Variants in IQGAP2 observed in about 807,000 individuals in gnomAD.
IQGAP2 encodes IQ motif containing GTPase activating protein 2, also known as ras GTPase-activating-like protein IQGAP2.
IQGAP2 carries 173 observed loss-of-function variants against 201.3 expected under a neutral mutation model. That is an observed-to-expected ratio of 0.86 (90% CI 0.76 to 0.98). IQGAP2 has a LOEUF of 0.98. IQGAP2 is among the 50% of genes least tolerant of loss of function. The pLI is 0.00. For synonymous variants in IQGAP2, 675 were observed against 673.9 expected (o/e 1.00, Z -0.03); for missense variants, 1,687 against 1,864.8 (o/e 0.90, Z 1.76).
Position 76,610,923 on chromosome 5 carries a change from C to T in IQGAP2, c.1358-97C>T. On this transcript the variant is annotated intron_variant, in intron 12 of 35. Coordinates refer to ENST00000274364, the MANE Select transcript of IQGAP2 (RefSeq NM_006633.5). ...GTGCTTGCATCTTGCATCCTATAGC[C>T]TTGCTGTACTAGTTAATTAGCCTTT... 11 of 940,074 alleles carry T rather than the reference C, an allele frequency of 1.2e-5. No homozygotes were observed. The South Asian group carries it at 1.9e-4, about 17-fold the overall frequency. 58.2% of individuals were successfully genotyped at this position (940,074 alleles called of 1,614,324 possible).
intron 35 of IQGAP2, among the ~76,000 whole-genome samples, chr5:76,704,527 C>A (rs922013856): frequency 6.6e-6 from 1 of 152,190 alleles, no homozygotes; most frequent in Non-Finnish European, 1.5e-5. Context: ...TAATCCTTAG[C>A]TATATGCAGG....
chr5:76,418,202 G>C (rs1180737981), intron 1 of IQGAP2, among the ~76,000 whole-genome samples: 12 of 93,116 alleles, frequency 1.3e-4, no homozygotes, highest in Admixed American at 4.2e-4. Context: ...GAGAGACTCC[G>C]TCTCAAAAAA....
At chr5:76,602,891 C>T (rs775907760) in intron 11 of IQGAP2, among the ~76,000 whole-genome samples, 1 of 152,166 alleles carries the variant, frequency 6.6e-6, no homozygotes, top group Admixed American at 6.5e-5. Flanking sequence ...CCCTGTTCAC[C>T]GTGGCTTCTA....
At chr5:76,465,041 A>G (rs1754698056) in intron 2 of IQGAP2, among the ~76,000 whole-genome samples, 1 of 152,216 alleles carries the variant, frequency 6.6e-6, no homozygotes, top group Non-Finnish European at 1.5e-5. Flanking sequence ...AAAAAATACG[A>G]AAAGAGAAAA....
intron 18 of IQGAP2, among the ~76,000 whole-genome samples, chr5:76,653,573 A>G (rs1302107422): frequency 2.0e-5 from 3 of 152,244 alleles, no homozygotes; most frequent in African/African-American, 4.8e-5. Flanking sequence ...CCTGGGTAAC[A>G]TAGGGGGACC....
Position 76,542,810 on chromosome 5 carries a change from CAT to C in IQGAP2, c.147-19584_147-19583del, listed in dbSNP as rs528533827. Among the ~76,000 whole-genome samples the C allele has an allele frequency of 2.0e-3, 307 of 152,338 alleles. 1 individual carries two copies. The highest frequency in any genetic ancestry group is 7.1e-3 in the African/African-American group (297 of 41,574). On this transcript the variant is annotated intron_variant, in intron 2 of 35. Coordinates refer to ENST00000274364, the MANE Select transcript of IQGAP2 (RefSeq NM_006633.5). Reference sequence around the variant, plus strand: ...CCCTTTTAGCTCTGCCACATTCTAACATAGAGTGGCTCTTCTGTCATTGCCAC... The same window carrying C: ...CCCTTTTAGCTCTGCCACATTCTAACAGAGTGGCTCTTCTGTCATTGCCAC...
At chr5:76,545,601 G>A (rs1004482845) in intron 2 of IQGAP2, among the ~76,000 whole-genome samples, 3 of 151,344 alleles carry the variant, frequency 2.0e-5, no homozygotes, top group African/African-American at 7.3e-5. Flanking sequence ...TATGCAAATG[G>A]TATGGCTATC....
At chr5:76,651,068 C>T (rs1310063163) in intron 17 of IQGAP2, among the ~76,000 whole-genome samples, 1 of 152,260 alleles carries the variant, frequency 6.6e-6, no homozygotes, top group East Asian at 1.9e-4. Flanking sequence ...CTCGAGCTCA[C>T]ACTTCACCAT....
At chr5:76,657,397 G>A (rs538040150) in intron 20 of IQGAP2, among the ~76,000 whole-genome samples, 1 of 152,198 alleles carries the variant, frequency 6.6e-6, no homozygotes, top group Non-Finnish European at 1.5e-5. Flanking sequence ...AGGAAATAAA[G>A]GGTCCCATGA....
chr5:76,546,744 T>C (rs560057500), intron 2 of IQGAP2, among the ~76,000 whole-genome samples: 5 of 152,286 alleles, frequency 3.3e-5, no homozygotes, highest in African/African-American at 1.2e-4. Flanking sequence ...CACTGTGAAC[T>C]GTAACTACGG....
At chr5:76,606,866 A>G (rs1418947815) in intron 12 of IQGAP2, 4 of 152,226 alleles carry the variant, frequency 2.6e-5, no homozygotes, top group Admixed American at 6.5e-5. Flanking sequence ...CATCTTGCTT[A>G]TGAAAATAGA....
chr5:76,610,110 ATATATTTT>A (rs1171061808), intron 12 of IQGAP2, among the ~76,000 whole-genome samples: 1 of 13,192 alleles, frequency 7.6e-5, no homozygotes, highest in African/African-American at 2.6e-4. Flanking sequence ...ATATATATAT[ATATATTTT>A]TTTTTTTTTT....
chr5:76,613,979 C>T (rs1030169651), intron 13 of IQGAP2, among the ~76,000 whole-genome samples: 2 of 152,160 alleles, frequency 1.3e-5, no homozygotes, highest in Non-Finnish European at 2.9e-5. Context: ...AGGCATGAGC[C>T]ACCGCACCCG....
In IQGAP2 at chr5:76,588,976, A is replaced by G; in HGVS notation, c.526+3A>G. On this transcript the variant is annotated splice_donor_region_variant and intron_variant, in intron 6 of 35. Transcript: ENST00000274364. ...GTTGGGCAAAGTAGACTTCACAGGT[A>G]CTACTCTTTATCTTTGTAATTTTTT... 1.3e-6 allele frequency: 2 copies of G among 1,586,408 alleles called. No individual in the cohort carries two copies.
chr5:76,502,287 T>C (rs1363673080), intron 2 of IQGAP2, among the ~76,000 whole-genome samples: 1 of 152,220 alleles, frequency 6.6e-6, no homozygotes, highest in East Asian at 1.9e-4. Context: ...TGTGTTTGTT[T>C]AGGTGGAAGT....
At chr5:76,448,620 T>C (rs1179393040) in intron 1 of IQGAP2, among the ~76,000 whole-genome samples, 2 of 152,034 alleles carry the variant, frequency 1.3e-5, no homozygotes, top group African/African-American at 4.8e-5. Flanking sequence ...ATCAGGATAG[T>C]AGTGGGTGGA....
chr5:76,464,810 T>G (rs987404279), intron 2 of IQGAP2, among the ~76,000 whole-genome samples: 55 of 152,108 alleles, frequency 3.6e-4, no homozygotes, highest in African/African-American at 1.3e-3. Flanking sequence ...CAATGAAAAC[T>G]TAGAGGAAAT....
At chr5:76,528,084 T>G (rs535117737) in intron 2 of IQGAP2, among the ~76,000 whole-genome samples, 1 of 152,354 alleles carries the variant, frequency 6.6e-6, no homozygotes, top group African/African-American at 2.4e-5. Flanking sequence ...GACCTTGTTC[T>G]TTGATTCACT....
At chr5:76,490,731 A>T (rs1756487036) in intron 2 of IQGAP2, among the ~76,000 whole-genome samples, 1 of 152,184 alleles carries the variant, frequency 6.6e-6, no homozygotes, top group Non-Finnish European at 1.5e-5. Flanking sequence ...AAAATTTTTC[A>T]GCTGGATACC....
Sources: gnomAD v4.1 joint callset for allele counts (sites outside exome capture counted in the v4.1 genomes callset) on GRCh38, gnomAD v4.1.1 for gene constraint, MANE v1.5 for transcripts, NCBI Gene and HGNC (gene_info 2026-07-23, HGNC 2026-07-21) for gene names.